The following HEPH variants were observed in gnomAD, a reference collection of about 807,000 sequenced individuals.
The protein encoded by HEPH is hephaestin.
HEPH carries 69 observed loss-of-function variants against 80.8 expected under a neutral mutation model. The observed-to-expected ratio is 0.85, with a 90% CI of 0.70 to 1.04. HEPH has a LOEUF of 1.04. Ranked by LOEUF, HEPH falls within the 50% of genes least tolerant of loss-of-function variation. The probability of loss-of-function intolerance (pLI) is 0.00; values close to 1 mark genes in which losing one functional copy is unlikely to be tolerated. For synonymous variants in HEPH, 431 were observed against 322.8 expected, an observed-to-expected ratio of 1.34 and a Z score of -3.60; for missense variants, 1,115 against 891.3, an observed-to-expected ratio of 1.25 and a Z score of -3.20.
intron 1 of HEPH, among the ~76,000 whole-genome samples, chrX:66,166,607 A>G (rs2086377742): frequency 8.9e-6 from 1 of 112,272 alleles, no homozygotes; most frequent in Admixed American, 9.4e-5. Flanking sequence ...TTCAAATTTG[A>G]GGAGGATAGA....
intron 13 of HEPH, among the ~76,000 whole-genome samples, chrX:66,204,043 G>C (rs1036901496): frequency 8.9e-6 from 1 of 112,021 alleles, no homozygotes; most frequent in African/African-American, 3.2e-5. Flanking sequence ...GGGCTGGCAG[G>C]TGAACCCTAT....
rs186366246 is a variant in HEPH at position 66,215,331 on chromosome X, A to G, written c.2563+7085A>G. Reference sequence around the variant, plus strand: ...CCTTATTAGTTTTACTAGTTTGTTGATTCCAGAAATATTGAGAGTTTTATT... The same window carrying G: ...CCTTATTAGTTTTACTAGTTTGTTGGTTCCAGAAATATTGAGAGTTTTATT... On this transcript the variant is annotated intron_variant, in intron 15 of 20. Coordinates refer to ENST00000343002, the MANE Select transcript of HEPH (RefSeq NM_001367233.3). Among the ~76,000 whole-genome samples the G allele has an allele frequency of 8.1e-5, 9 of 110,497 alleles. No individual in the cohort carries two copies. In the East Asian group the frequency reaches 2.5e-3, roughly 31 times the overall value.
intron 15 of HEPH, among the ~76,000 whole-genome samples, chrX:66,251,666 A>T (rs2091010628): frequency 9.0e-6 from 1 of 111,632 alleles, no homozygotes; most frequent in Non-Finnish European, 1.9e-5. Flanking sequence ...TGATATTTGA[A>T]TGTAGCATAG....
intron 15 of HEPH, among the ~76,000 whole-genome samples, chrX:66,249,064 A>C (rs2090916154): frequency 9.0e-6 from 1 of 111,656 alleles, no homozygotes; most frequent in African/African-American, 3.3e-5. Flanking sequence ...AGAAAAACAA[A>C]CTTTTCTGAG....
At chrX:66,217,161 C>T (rs1006906341) in intron 15 of HEPH, among the ~76,000 whole-genome samples, 1 of 110,934 alleles carries the variant, frequency 9.0e-6, no homozygotes, top group African/African-American at 3.3e-5. Flanking sequence ...CTAGACACCC[C>T]AAAACAGGAA....
At chrX:66,174,547 A>T (rs1016414467) in intron 4 of HEPH, among the ~76,000 whole-genome samples, 8 of 111,930 alleles carry the variant, frequency 7.1e-5, no homozygotes, top group African/African-American at 2.3e-4. Context: ...TGCTGGATCA[A>T]ATGGTAATTC....
intron 15 of HEPH, among the ~76,000 whole-genome samples, chrX:66,238,783 CAG>C (rs2090458933): frequency 8.9e-6 from 1 of 111,923 alleles, no homozygotes. Context: ...GAGCCCCAAA[CAG>C]AGATTTACCC....
intron 20 of HEPH, among the ~76,000 whole-genome samples, chrX:66,266,163 A>G (rs1354654374): frequency 9.0e-6 from 1 of 110,880 alleles, no homozygotes; most frequent in African/African-American, 3.3e-5. Flanking sequence ...TAGATATTTG[A>G]GAACATGTAT....
Position 66,183,616 on chromosome X carries a change from C to G in HEPH, c.626-4743C>G, listed in dbSNP as rs1347038128. ...TTTTTTTCTTTATTAGTCTTGCTAG[C>G]GGTCTATCAATTTTGTTGATCCTTT... On this transcript the variant is annotated intron_variant, in intron 4 of 20. Coordinates refer to ENST00000343002, the MANE Select transcript of HEPH (RefSeq NM_001367233.3). 2.2e-4 allele frequency among the ~76,000 whole-genome samples: 11 copies of G among 50,214 alleles called. 2 individuals are homozygous for G. The Middle Eastern group carries it at 0.021, about 97-fold the overall frequency. The allele number at this position is 50,214 out of a possible 115,157, so 43.6% of individuals were successfully genotyped here.
At chrX:66,172,697 T>C (rs749376103) in intron 3 of HEPH, 98 bp downstream of exon 3, 2 of 920,080 alleles carry the variant, frequency 2.2e-6, no homozygotes, top group African/African-American at 4.0e-5. Flanking sequence ...AGATTTTCTT[T>C]TCTTCCTATT....
chrX:66,189,922 G>T lies in HEPH; in HGVS notation c.1047G>T (p.Val349=). The part of the protein sequence containing the change: ...EPGTWLISCQ[V]NSHFRDGMQA... ...GTACCTGGTTAATTAGCTGCCAAGT[G>T]AACAGTCACTTTCGAGGTGAGATCC... The change falls in exon 6 of 21, where the codon GTG becomes GTT. Residue 349 remains valine (V), a synonymous_variant. Coordinates refer to ENST00000343002, the MANE Select transcript of HEPH (RefSeq NM_001367233.3). 8.5e-7 allele frequency: 1 copy of T among 1,182,427 alleles called. No individual in the cohort carries two copies.
chrX:66,162,840 A>C (rs750941609), upstream of HEPH: 21 of 1,153,620 alleles, frequency 1.8e-5, no homozygotes, highest in African/African-American at 3.4e-4. Flanking sequence ...GCCTGGAGAA[A>C]AGTGTCTGCT....
chrX:66,214,014 C>T (rs891141780), intron 15 of HEPH, among the ~76,000 whole-genome samples: 14 of 112,177 alleles, frequency 1.2e-4, no homozygotes, highest in African/African-American at 4.5e-4. Flanking sequence ...CTCAGCACTC[C>T]CTATTGCACT....
chrX:66,204,118 C>G (rs1212377376), intron 13 of HEPH, among the ~76,000 whole-genome samples: 1 of 111,841 alleles, frequency 8.9e-6, no homozygotes, highest in Non-Finnish European at 1.9e-5. Flanking sequence ...CTATTCCCGG[C>G]TATCATGAAG....
chrX:66,266,721 C>T lies in HEPH; in HGVS notation c.*49C>T. 1.1e-6 allele frequency: 1 copy of T among 918,957 alleles called. No individual in the cohort carries two copies. The allele number at this position is 918,957 out of a possible 1,213,427, so 75.7% of individuals were successfully genotyped here. A position where few individuals can be genotyped will look rare whatever the true frequency, so the allele number is the denominator to read the frequency against. The stretch of plus-strand genomic sequence containing the variant: ...CAGGAAGCACATCTGTAGTGCACTC[C>T]CAGCAGGCCATGGACTAGTCACTAA... On this transcript the variant is annotated 3_prime_UTR_variant, in exon 21 of 21. Coordinates refer to ENST00000343002, the MANE Select transcript of HEPH (RefSeq NM_001367233.3).
At chrX:66,246,796 C>G (rs2090826446) in intron 15 of HEPH, among the ~76,000 whole-genome samples, 1 of 112,018 alleles carries the variant, frequency 8.9e-6, no homozygotes, top group South Asian at 3.8e-4. Flanking sequence ...TGAATCCTGA[C>G]ATGGTTTCTC....
At chrX:66,215,962 A>C (rs909488823) in intron 15 of HEPH, among the ~76,000 whole-genome samples, 3 of 111,632 alleles carry the variant, frequency 2.7e-5, no homozygotes, top group African/African-American at 9.8e-5. Flanking sequence ...TTCCCTGGTG[A>C]CCTGTGTGAT....
intron 15 of HEPH, among the ~76,000 whole-genome samples, chrX:66,230,102 A>C (rs1370862902): frequency 7.1e-5 from 7 of 99,156 alleles, no homozygotes; most frequent in African/African-American, 2.7e-4. Context: ...AAAGGACATG[A>C]ACTCATCATT....
chrX:66,178,679 A>G (rs1187485436), intron 4 of HEPH, among the ~76,000 whole-genome samples: 1 of 111,857 alleles, frequency 8.9e-6, no homozygotes, highest in African/African-American at 3.3e-5. Context: ...TTTGATTTGC[A>G]TTTCTCTGAT....
Sources: allele counts gnomAD v4.1 joint callset (sites outside exome capture counted in the v4.1 genomes callset), GRCh38; gene constraint gnomAD v4.1.1; transcripts MANE v1.5; gene names NCBI Gene and HGNC (gene_info 2026-07-23, HGNC 2026-07-21).